The following TMEM132D variants were observed in gnomAD, a reference collection of about 807,000 sequenced individuals.
The protein encoded by TMEM132D is mature OL transmembrane protein.
A neutral mutation model predicts 62.3 loss-of-function variants in TMEM132D; 21 were observed. The observed-to-expected ratio is 0.34, with a 90% CI of 0.24 to 0.49. The LOEUF is 0.49. Among genes scored for constraint, TMEM132D ranks in the 20% least tolerant of loss-of-function variants. The pLI, the probability that TMEM132D is intolerant of heterozygous loss-of-function variation, is 0.99. For synonymous variants in TMEM132D, 621 were observed against 575.6 expected, an observed-to-expected ratio of 1.08 and a Z score of -1.13; for missense variants, 1,346 against 1,402.8, an observed-to-expected ratio of 0.96 and a Z score of 0.65.
At chr12:129,136,789 C>CCACCAT (rs1565975432) in intron 5 of TMEM132D, among the ~76,000 whole-genome samples, 2,968 of 130,028 alleles carry the variant, frequency 0.023, 103 homozygotes, top group African/African-American at 0.079. Flanking sequence ...ACCATCATCA[C>CCACCAT]CATCACCATC....
At chr12:129,707,523 T>C (rs1881535760) in intron 1 of TMEM132D, among the ~76,000 whole-genome samples, 1 of 152,326 alleles carries the variant, frequency 6.6e-6, no homozygotes, top group East Asian at 1.9e-4. Flanking sequence ...TCAATTTTTC[T>C]ATAGAATATC....
intron 3 of TMEM132D, among the ~76,000 whole-genome samples, chr12:129,391,648 C>A (rs1409534730): frequency 2.6e-5 from 4 of 152,208 alleles, no homozygotes; most frequent in African/African-American, 9.6e-5. Context: ...ACATTAAAAT[C>A]ATCAGCAGTG....
chr12:129,880,434 G>C (rs963533916), intron 1 of TMEM132D, among the ~76,000 whole-genome samples: 1 of 152,072 alleles, frequency 6.6e-6, no homozygotes, highest in Non-Finnish European at 1.5e-5. Flanking sequence ...GAAAACTTCC[G>C]GATGTGATTA....
chr12:129,367,482 T>C (rs1000295329), intron 3 of TMEM132D, among the ~76,000 whole-genome samples: 1 of 151,940 alleles, frequency 6.6e-6, no homozygotes, highest in Non-Finnish European at 1.5e-5. Flanking sequence ...ACCCAGGTTG[T>C]CCCAAAGACC....
rs67597510 is a variant in TMEM132D, at chr12:129,749,463, C to CTT, written c.80-48767_80-48766dup. On this transcript the variant is annotated intron_variant, in intron 1 of 8. Transcript: ENST00000422113. ...TGTTTACAAATGAAGTGAAAAGAAT[C>CTT]TTTTTTTTTTTTTTTTTGAGTCTCA... 4.7e-3 allele frequency among the ~76,000 whole-genome samples: 667 copies of CTT among 143,368 alleles called. 6 individuals are homozygous for CTT. The highest frequency in any genetic ancestry group is 7.1e-3 in the East Asian group (34 of 4,816). 94.1% of individuals were successfully genotyped at this position (143,368 alleles called of 152,430 possible).
chr12:129,752,243 A>G (rs936011512), intron 1 of TMEM132D, among the ~76,000 whole-genome samples: 2 of 152,210 alleles, frequency 1.3e-5, no homozygotes, highest in Non-Finnish European at 2.9e-5. Flanking sequence ...ATGCGCACAC[A>G]CACACACCCC....
intron 4 of TMEM132D, among the ~76,000 whole-genome samples, chr12:129,311,780 C>T (rs1008764657): frequency 1.3e-5 from 2 of 152,076 alleles, no homozygotes; most frequent in Non-Finnish European, 1.5e-5. Context: ...AAGGCACAGG[C>T]CACCACTGAT....
intron 4 of TMEM132D, among the ~76,000 whole-genome samples, chr12:129,283,688 G>A (rs761777335): frequency 2.0e-5 from 3 of 152,180 alleles, no homozygotes; most frequent in Non-Finnish European, 4.4e-5. Context: ...GATGATTAGG[G>A]AGCAGGGCTC....
rs572043464 is a variant in TMEM132D, at chr12:129,434,450, T to A, written c.1115+96609A>T. On this transcript the variant is annotated intron_variant, in intron 3 of 8. Transcript: ENST00000422113. The stretch of plus-strand genomic sequence containing the variant: ...AGTGCCAATAGTGATACCCTCCTCA[T>A]ACGTTTGCTGTGACTACTACAAGTT... 2.6e-5 allele frequency among the ~76,000 whole-genome samples: 4 copies of A among 152,298 alleles called. No homozygotes were observed. The East Asian group carries it at 5.8e-4, about 22-fold the overall frequency.
At chr12:129,091,157 C>A (rs1216331475) in intron 5 of TMEM132D, among the ~76,000 whole-genome samples, 1 of 152,242 alleles carries the variant, frequency 6.6e-6, no homozygotes, top group African/African-American at 2.4e-5. Flanking sequence ...GAAGACCTTA[C>A]TTATGCTCAC....
intron 2 of TMEM132D, among the ~76,000 whole-genome samples, chr12:129,636,737 T>TGTGA (rs375868329): frequency 0.052 from 5,853 of 113,494 alleles, 194 homozygotes; most frequent in South Asian, 0.12. Flanking sequence ...TGTGTGTGTG[T>TGTGA]GAGAGAGAGA....
intron 2 of TMEM132D, among the ~76,000 whole-genome samples, chr12:129,697,524 C>T (rs1461828598): frequency 1.3e-5 from 2 of 152,166 alleles, no homozygotes; most frequent in African/African-American, 2.4e-5. Flanking sequence ...AGTGTAGCAT[C>T]GTACCGAGGT....
intron 4 of TMEM132D, among the ~76,000 whole-genome samples, chr12:129,264,914 G>A (rs1330182701): frequency 6.6e-6 from 1 of 152,078 alleles, no homozygotes; most frequent in African/African-American, 2.4e-5. Flanking sequence ...GGAACTTGGG[G>A]GTAAGAGTGA....
At chr12:129,631,746 G>A (rs1004123266) in intron 2 of TMEM132D, among the ~76,000 whole-genome samples, 4 of 152,148 alleles carry the variant, frequency 2.6e-5, no homozygotes, top group Non-Finnish European at 4.4e-5. Flanking sequence ...GAATCGTCAC[G>A]GAATAGGTGT....
At chr12:129,130,175 C>A (rs1876333301) in intron 5 of TMEM132D, among the ~76,000 whole-genome samples, 1 of 152,002 alleles carries the variant, frequency 6.6e-6, no homozygotes, top group African/African-American at 2.4e-5. Flanking sequence ...CCTTCAACCT[C>A]CAGGAGTTCT....
chr12:129,232,312 A>G (rs1486991845), intron 4 of TMEM132D, among the ~76,000 whole-genome samples: 1 of 152,232 alleles, frequency 6.6e-6, no homozygotes, highest in Non-Finnish European at 1.5e-5. Flanking sequence ...AAGACATGTG[A>G]CTGGACAGAG....
At chr12:129,161,905 C>G (rs1460441140) in intron 5 of TMEM132D, among the ~76,000 whole-genome samples, 1 of 152,162 alleles carries the variant, frequency 6.6e-6, no homozygotes, top group African/African-American at 2.4e-5. Context: ...TGTTGAATGA[C>G]CCAGAGAGGG....
chr12:129,572,638 G>A (rs1054646474), intron 2 of TMEM132D, among the ~76,000 whole-genome samples: 4 of 151,996 alleles, frequency 2.6e-5, no homozygotes, highest in African/African-American at 9.7e-5. Flanking sequence ...TAGTAGAGAT[G>A]GGGTTTCTCC....
chr12:129,672,905 G>A (rs149906456), intron 2 of TMEM132D, among the ~76,000 whole-genome samples: 2,232 of 152,140 alleles, frequency 0.015, 60 homozygotes, highest in African/African-American at 0.05. Flanking sequence ...GCACCACCAC[G>A]CCCAGCTAAT....
Sources: gnomAD v4.1 joint callset for allele counts (sites outside exome capture counted in the v4.1 genomes callset) on GRCh38, gnomAD v4.1.1 for gene constraint, MANE v1.5 for transcripts, NCBI Gene and HGNC (gene_info 2026-07-23, HGNC 2026-07-21) for gene names.